Variants in CHSY3 observed in about 807,000 individuals in gnomAD.
CHSY3 encodes N-acetylgalactosaminyl-proteoglycan 3-beta-glucuronosyltransferase 3.
CHSY3 carries 35 observed loss-of-function variants against 67.2 expected under a neutral mutation model. The ratio of observed to expected loss-of-function variants is 0.52; its 90% CI spans 0.40 to 0.69. CHSY3 has a LOEUF of 0.69. Among genes scored for constraint, CHSY3 ranks in the 30% least tolerant of loss-of-function variants. The pLI, the probability that CHSY3 is intolerant of heterozygous loss-of-function variation, is 0.00. For synonymous variants in CHSY3, 474 were observed against 434.7 expected, an observed-to-expected ratio of 1.09 and a Z score of -1.12; for missense variants, 1,069 against 1,138.5, an observed-to-expected ratio of 0.94 and a Z score of 0.88.
intron 2 of CHSY3, among the ~76,000 whole-genome samples, chr5:129,982,749 T>A (rs1196702787): frequency 1.3e-5 from 2 of 152,050 alleles, no homozygotes. Flanking sequence ...AGAAGTTATA[T>A]AAACACTGAG....
intron 2 of CHSY3, among the ~76,000 whole-genome samples, chr5:130,050,511 T>C (rs1765307849): frequency 6.6e-6 from 1 of 152,104 alleles, no homozygotes; most frequent in African/African-American, 2.4e-5. Flanking sequence ...GAAATAATAA[T>C]TTTGTCTAAT....
At chr5:130,003,525 T>G (rs1370200185) in intron 2 of CHSY3, among the ~76,000 whole-genome samples, 1 of 152,214 alleles carries the variant, frequency 6.6e-6, no homozygotes, top group African/African-American at 2.4e-5. Flanking sequence ...CAAGCACAAT[T>G]GTAATTGGGA....
chr5:130,058,421 G>T lies in CHSY3; in HGVS notation c.1087-125808G>T, dbSNP rs191387304. ...GGCAGGTGGATCACCTGAGGTCAGG[G>T]GTTCGAGACCAGCCTGGCTAACATG... On this transcript the variant is annotated intron_variant, in intron 2 of 2. Transcript: ENST00000305031. 2.2e-3 allele frequency among the ~76,000 whole-genome samples: 341 copies of T among 152,042 alleles called. 1 individual carries two copies. The highest frequency in any genetic ancestry group is 7.6e-3 in the African/African-American group (316 of 41,492).
chr5:129,932,140 A>ATATATATATATATATATATATG (rs1183646627), intron 2 of CHSY3, among the ~76,000 whole-genome samples: 3 of 136,348 alleles, frequency 2.2e-5, no homozygotes, highest in African/African-American at 8.9e-5. Context: ...ATATATATAT[A>ATATATATATATATATATATATG]TATGTATATG....
At chr5:130,089,110 A>G (rs189922305) in intron 2 of CHSY3, among the ~76,000 whole-genome samples, 1 of 151,182 alleles carries the variant, frequency 6.6e-6, no homozygotes, top group African/African-American at 2.4e-5. Context: ...TTCTCAGTAA[A>G]CTATTGCAAG....
At chr5:129,964,164 T>A (rs1019595745) in intron 2 of CHSY3, among the ~76,000 whole-genome samples, 1 of 151,908 alleles carries the variant, frequency 6.6e-6, no homozygotes, top group Non-Finnish European at 1.5e-5. Context: ...TGGCTGGAAG[T>A]TGTTTTTAGA....
chr5:130,168,713 T>G (rs1769817080), intron 2 of CHSY3, among the ~76,000 whole-genome samples: 1 of 151,984 alleles, frequency 6.6e-6, no homozygotes, highest in Admixed American at 6.6e-5. Flanking sequence ...TAATTATAAA[T>G]ATATTCTTAA....
chr5:130,140,139 G>T, intron 2 of CHSY3: 1 of 225,822 alleles, frequency 4.4e-6, no homozygotes, highest in Non-Finnish European at 8.7e-6. Context: ...GGGAAGCGGA[G>T]CCACTCCAAG....
At position 129,933,875 on chromosome 5, in the gene CHSY3, T is replaced by C. The variant is rs187662782; in HGVS notation, c.1086+25515T>C. Among the ~76,000 whole-genome samples the C allele has an allele frequency of 9.9e-5, 15 of 152,242 alleles. No homozygotes were observed. In the East Asian group the frequency reaches 2.7e-3, roughly 27 times the overall value. ...ACCTAGCATTTAATTTCTTTAAAGA[T>C]AGTAATTTTGAAACTCTTGAACACC... On this transcript the variant is annotated intron_variant, in intron 2 of 2. Coordinates refer to ENST00000305031, the MANE Select transcript of CHSY3 (RefSeq NM_175856.5).
At chr5:129,990,031 T>C (rs1301354507) in intron 2 of CHSY3, among the ~76,000 whole-genome samples, 1 of 152,174 alleles carries the variant, frequency 6.6e-6, no homozygotes. Flanking sequence ...TCTAAAATAT[T>C]GCTTAATAGA....
chr5:129,964,348 G>A (rs1421838003), intron 2 of CHSY3, among the ~76,000 whole-genome samples: 2 of 151,868 alleles, frequency 1.3e-5, no homozygotes, highest in Admixed American at 6.6e-5. Flanking sequence ...AGCATCTTCT[G>A]TTTCATCAGT....
At position 130,105,798 on chromosome 5, in the gene CHSY3, A is replaced by G. The variant is rs1243096028; in HGVS notation, c.1087-78431A>G. Among the ~76,000 whole-genome samples, 18 of 151,644 alleles carry G rather than the reference A, an allele frequency of 1.2e-4. 1 individual carries two copies. Among genetic ancestry groups the G allele is most frequent in the Admixed American group, 1.2e-3 (18 of 15,190 alleles). On this transcript the variant is annotated intron_variant, in intron 2 of 2. Transcript: ENST00000305031. ...TTATAAGAAGATCCTATGTAAAGCA[A>G]GATTTTAAAAATATATATGGACATA...
At chr5:129,940,876 C>T (rs1761675718) in intron 2 of CHSY3, among the ~76,000 whole-genome samples, 1 of 152,280 alleles carries the variant, frequency 6.6e-6, no homozygotes, top group South Asian at 2.1e-4. Context: ...TTTTGCCCAA[C>T]TGCAGGCTAA....
At chr5:130,130,518 C>T (rs1377282301) in intron 2 of CHSY3, among the ~76,000 whole-genome samples, 2 of 152,128 alleles carry the variant, frequency 1.3e-5, no homozygotes, top group African/African-American at 4.8e-5. Flanking sequence ...GGAGCCTTTC[C>T]TCCAGGCACA....
intron 2 of CHSY3, among the ~76,000 whole-genome samples, chr5:129,935,143 A>G (rs953768404): frequency 1.3e-5 from 2 of 152,230 alleles, no homozygotes; most frequent in African/African-American, 4.8e-5. Context: ...ATTCAAATTC[A>G]CATTTCTGAG....
intron 2 of CHSY3, chr5:130,139,929 T>C (rs1385945175): frequency 6.6e-6 from 1 of 152,316 alleles, no homozygotes; most frequent in African/African-American, 2.4e-5. Context: ...GACGGAATTT[T>C]GAAGCTTTTT....
intron 2 of CHSY3, among the ~76,000 whole-genome samples, chr5:130,113,239 C>T (rs1318360867): frequency 6.6e-6 from 1 of 151,884 alleles, no homozygotes; most frequent in Non-Finnish European, 1.5e-5. Context: ...ATATATTATC[C>T]TTCCAGTAAT....
rs547603912 is a variant in CHSY3 at position 130,001,131 on chromosome 5, C to T, written c.1086+92771C>T. On this transcript the variant is annotated intron_variant, in intron 2 of 2. Coordinates refer to ENST00000305031, the MANE Select transcript of CHSY3 (RefSeq NM_175856.5). ...TCTTGACCTCCTGATCTGCCCGCCT[C>T]GACCTCCCAAAGTGCTGGAAAACAA... 1.1e-4 allele frequency among the ~76,000 whole-genome samples: 17 copies of T among 151,654 alleles called. No homozygotes were observed. In the South Asian group the frequency reaches 1.7e-3, roughly 15 times the overall value.
chr5:130,126,949 C>T (rs1354207289), intron 2 of CHSY3, among the ~76,000 whole-genome samples: 3 of 152,112 alleles, frequency 2.0e-5, no homozygotes, highest in Non-Finnish European at 4.4e-5. Flanking sequence ...TTCTGGTGCT[C>T]ATGGCCTGTG....
Sources: allele counts gnomAD v4.1 joint callset (sites outside exome capture counted in the v4.1 genomes callset), GRCh38; gene constraint gnomAD v4.1.1; transcripts MANE v1.5; gene names NCBI Gene and HGNC (gene_info 2026-07-23, HGNC 2026-07-21).